YWHAE: variants seen among roughly 807,000 people sequenced by gnomAD.
YWHAE encodes 14-3-3 protein epsilon.
In YWHAE, 4 loss-of-function variants were observed where a neutral mutation model predicts 30.1. The ratio of observed to expected loss-of-function variants is 0.13; its 90% CI spans 0.07 to 0.30. The LOEUF is 0.30. Ranked by LOEUF, YWHAE falls within the 10% of genes least tolerant of loss-of-function variation. The pLI is 1.00. For missense variants in YWHAE, 121 were observed against 315.9 expected (o/e 0.38, Z 4.68); for synonymous variants, 118 against 111.8 (o/e 1.06, Z -0.35).
intron 1 of YWHAE, among the ~76,000 whole-genome samples, chr17:1,385,202 T>C (rs2073282915): frequency 6.6e-6 from 1 of 151,368 alleles, no homozygotes; most frequent in South Asian, 2.1e-4. Flanking sequence ...GGCAGCATTC[T>C]GAAACCAGAA....
intron 1 of YWHAE, among the ~76,000 whole-genome samples, chr17:1,396,921 CTCT>C (rs1567989936): frequency 2.7e-5 from 4 of 149,214 alleles, no homozygotes; most frequent in Non-Finnish European, 1.5e-5. Flanking sequence ...CGCACCTGGC[CTCT>C]TTTTTTTTTT....
rs567729788 is a variant in YWHAE, at chr17:1,381,360, C to CA, written c.65-16303dup. Among the ~76,000 whole-genome samples the CA allele has an allele frequency of 5.1e-3, 770 of 151,930 alleles. 5 individuals are homozygous for CA. Among genetic ancestry groups the CA allele is most frequent in the Non-Finnish European group, 8.8e-3 (598 of 67,948 alleles). ...AGAAACCCCGACTCTACTAAAAACA[C>CA]AAAAAATTAGCCAGGCGTGGTGGCT... On this transcript the variant is annotated intron_variant, in intron 1 of 5. Coordinates refer to ENST00000264335, the MANE Select transcript of YWHAE (RefSeq NM_006761.5).
At chr17:1,385,660 C>T (rs754892433) in intron 1 of YWHAE, among the ~76,000 whole-genome samples, 2 of 152,098 alleles carry the variant, frequency 1.3e-5, no homozygotes, top group African/African-American at 4.8e-5. Flanking sequence ...GGAAGGAAGA[C>T]GGAGGATGCA....
chr17:1,351,898 C>G (rs2072640756), intron 5 of YWHAE, among the ~76,000 whole-genome samples: 1 of 152,066 alleles, frequency 6.6e-6, no homozygotes, highest in Admixed American at 6.6e-5. Flanking sequence ...AGCAATTCTC[C>G]TGCCTCAGCC....
chr17:1,398,686 A>G (rs1477616182), intron 1 of YWHAE: 1 of 152,190 alleles, frequency 6.6e-6, no homozygotes, highest in Non-Finnish European at 1.5e-5. Flanking sequence ...TTAATACTAC[A>G]GTATCGCACA....
At position 1,349,325 on chromosome 17, in the gene YWHAE, G is replaced by T. The variant is rs192315647; in HGVS notation, c.716-3826C>A. On this transcript the variant is annotated intron_variant, in intron 5 of 5. Coordinates refer to ENST00000264335, the MANE Select transcript of YWHAE (RefSeq NM_006761.5). ...CCACTATACTCCACCCTGGGCAACA[G>T]AGTGATACTCCATCTCAAAAACTCT... is the stretch of plus-strand genomic sequence containing the variant. Among the ~76,000 whole-genome samples the T allele has an allele frequency of 3.9e-5, 6 of 152,264 alleles. No homozygotes were observed. The East Asian group carries it at 9.7e-4, about 25-fold the overall frequency.
chr17:1,384,535 CAA>C (rs144580049), intron 1 of YWHAE, among the ~76,000 whole-genome samples: 19 of 149,420 alleles, frequency 1.3e-4, no homozygotes, highest in South Asian at 4.3e-4. Context: ...ACTAAAAATA[CAA>C]AAAAAATTAG....
intron 1 of YWHAE, among the ~76,000 whole-genome samples, chr17:1,384,426 T>C (rs754114927): frequency 6.6e-6 from 1 of 150,992 alleles, no homozygotes; most frequent in Admixed American, 6.6e-5. Context: ...GCGCGGTGGC[T>C]CACGCCTGTA....
At chr17:1,399,325 A>G (rs1026041341) in intron 1 of YWHAE, 1 of 152,222 alleles carries the variant, frequency 6.6e-6, no homozygotes, top group African/African-American at 2.4e-5. Flanking sequence ...ACGAGGAGGA[A>G]AAGCCCCGAA....
chr17:1,385,995 A>G (rs1358040097), intron 1 of YWHAE, among the ~76,000 whole-genome samples: 1 of 152,176 alleles, frequency 6.6e-6, no homozygotes, highest in African/African-American at 2.4e-5. Flanking sequence ...CCGAAGTGGA[A>G]GGAGTACCAG....
At chr17:1,351,193 T>C (rs562858759) in intron 5 of YWHAE, among the ~76,000 whole-genome samples, 1 of 152,160 alleles carries the variant, frequency 6.6e-6, no homozygotes, top group African/African-American at 2.4e-5. Context: ...ACCCCGTCTC[T>C]ATTAAAAATA....
rs1016543075 is a variant in YWHAE, at chr17:1,353,960, A to T, written c.715+251T>A. On this transcript the variant is annotated intron_variant, in intron 5 of 5. Transcript: ENST00000264335. ...ATTGAATTGAATGAAGATAAAATAA[A>T]CTGCTTGCTCTCCACTCCTCCTGTC... Among the ~76,000 whole-genome samples the T allele has an allele frequency of 2.0e-5, 3 of 152,248 alleles. 1 individual carries two copies. The East Asian group carries it at 5.8e-4, about 29-fold the overall frequency.
At chr17:1,362,151 G>T in intron 2 of YWHAE, 143 bp from the exon 3 acceptor site, 1 of 548,620 alleles carries the variant, frequency 1.8e-6, no homozygotes, top group Non-Finnish European at 3.2e-6. Flanking sequence ...CTTCCTTCTT[G>T]ACACAAAAGC....
At chr17:1,384,706 A>T (rs939138659) in intron 1 of YWHAE, among the ~76,000 whole-genome samples, 1 of 151,456 alleles carries the variant, frequency 6.6e-6, no homozygotes, top group South Asian at 2.1e-4. Context: ...GGATTAAAGG[A>T]GTGAGCCACT....
chr17:1,397,963 G>A (rs907107176), intron 1 of YWHAE, among the ~76,000 whole-genome samples: 1 of 152,016 alleles, frequency 6.6e-6, no homozygotes, highest in African/African-American at 2.4e-5. Context: ...TAACCAATAA[G>A]GGCTCTGGTC....
At chr17:1,398,723 G>GT (rs2073514308) in intron 1 of YWHAE, 1 of 152,050 alleles carries the variant, frequency 6.6e-6, no homozygotes, top group Non-Finnish European at 1.5e-5. Context: ...TATTTCAAAA[G>GT]GTGGTCCAAA....
intron 1 of YWHAE, among the ~76,000 whole-genome samples, chr17:1,370,077 G>C (rs566803442): frequency 4.1e-5 from 6 of 145,000 alleles, no homozygotes; most frequent in Non-Finnish European, 9.0e-5. Flanking sequence ...TGATTTCTCT[G>C]TAGCATCTGA....
At position 1,400,028 on chromosome 17, in the gene YWHAE, CGT is replaced by C; in HGVS notation, c.64+17_64+18del. 1.9e-6 allele frequency: 3 copies of C among 1,608,104 alleles called. No homozygotes were observed. The highest frequency in any genetic ancestry group is 2.6e-6 in the Non-Finnish European group (3 of 1,174,538). On this transcript the variant is annotated intron_variant, in intron 1 of 5. Coordinates refer to ENST00000264335, the MANE Select transcript of YWHAE (RefSeq NM_006761.5). Reference sequence around the variant, plus strand: ...AGAGGGTCCGAGAATTCCAGCCCCCCGTTGCCCCCCCAACTCACCGTCGTATC... The same window carrying C: ...AGAGGGTCCGAGAATTCCAGCCCCCCTGCCCCCCCAACTCACCGTCGTATC...
intron 1 of YWHAE, among the ~76,000 whole-genome samples, chr17:1,394,499 G>A (rs534434933): frequency 3.3e-5 from 5 of 149,354 alleles, no homozygotes; most frequent in African/African-American, 1.0e-4. Flanking sequence ...CCAGCTACTA[G>A]GGAAGCTGAG....
Sources: gnomAD v4.1 joint callset for allele counts (sites outside exome capture counted in the v4.1 genomes callset) on GRCh38, gnomAD v4.1.1 for gene constraint, MANE v1.5 for transcripts, NCBI Gene and HGNC (gene_info 2026-07-23, HGNC 2026-07-21) for gene names.